Variants in KCTD3 observed in about 807,000 individuals in gnomAD.
KCTD3 encodes potassium channel tetramerization domain containing 3.
In KCTD3, 41 loss-of-function variants were observed where a neutral mutation model predicts 85.8. The observed-to-expected ratio is 0.48, with a 90% CI of 0.37 to 0.62. KCTD3 has a LOEUF of 0.62. KCTD3 is among the 20% of genes least tolerant of loss of function. The pLI is 0.00. For synonymous variants in KCTD3, 338 were observed against 345.4 expected (o/e 0.98, Z 0.24); for missense variants, 724 against 989.9 (o/e 0.73, Z 3.60).
intron 9 of KCTD3, among the ~76,000 whole-genome samples, chr1:215,588,012 CTG>C (rs1471524089): frequency 1.3e-5 from 2 of 152,190 alleles, no homozygotes; most frequent in Non-Finnish European, 2.9e-5. Flanking sequence ...GTCACACTCA[CTG>C]TGGCAGATAA....
Position 215,570,343 on chromosome 1 carries a change from G to A in KCTD3, c.83+2575G>A, listed in dbSNP as rs2675222. Reference sequence around the variant, plus strand: ...CTTTGTGGGTGATTCAGAAAGTAGAGTAGATGAAGTTTCATTTAGAATTGT... The same window carrying A: ...CTTTGTGGGTGATTCAGAAAGTAGAATAGATGAAGTTTCATTTAGAATTGT... On this transcript the variant is annotated intron_variant, in intron 1 of 17. Coordinates refer to ENST00000259154, the MANE Select transcript of KCTD3 (RefSeq NM_016121.5). Among the ~76,000 whole-genome samples the A allele has an allele frequency of 9.2e-3, 1,400 of 152,216 alleles. 32 individuals carry two copies. The highest frequency in any genetic ancestry group is 0.032 in the African/African-American group (1,314 of 41,506).
In KCTD3 at chr1:215,620,136, T is replaced by C; in HGVS notation, c.1966T>C (p.Leu656=). The change falls in exon 18 of 18, where the codon TTA becomes CTA. Residue 656 remains leucine, a synonymous_variant. Transcript: ENST00000259154. ...GAGGCCTTACAGAGAAAGTCCTTTA[T>C]TAGCAAGGGCAAGAAGGACTGAGAG... is the stretch of plus-strand genomic sequence containing the variant. ...SMRPYRESPL[L]ARARRTESFH... 1.2e-6 allele frequency: 2 copies of C among 1,613,718 alleles called. No homozygotes were observed. Among genetic ancestry groups the C allele is most frequent in the South Asian group, 2.2e-5 (2 of 91,044 alleles).
At chr1:215,586,442 C>A (rs566722663) in intron 8 of KCTD3, 53 bp from the exon 9 acceptor site, 1 of 1,423,412 alleles carries the variant, frequency 7.0e-7, no homozygotes, top group Non-Finnish European at 9.6e-7. Flanking sequence ...ATGTGTATTC[C>A]GTTTGCTTCA....
Position 215,620,712 on chromosome 1 carries a change from C to A in KCTD3, c.*94C>A. 1 of 840,108 alleles carries A rather than the reference C, an allele frequency of 1.2e-6. No homozygotes were observed. Among genetic ancestry groups the A allele is most frequent in the Non-Finnish European group, 1.8e-6 (1 of 553,616 alleles). 52.0% of individuals were successfully genotyped at this position (840,108 alleles called of 1,614,324 possible). A position where few individuals can be genotyped will look rare whatever the true frequency, so the allele number is the denominator to read the frequency against. ...CATTAGTTTTTACACTAAAACTTTA[C>A]AAGATAAAATTGGACTTCATTTAGT... On this transcript the variant is annotated 3_prime_UTR_variant, in exon 18 of 18. Coordinates refer to ENST00000259154, the MANE Select transcript of KCTD3 (RefSeq NM_016121.5).
intron 12 of KCTD3, 143 bp from the exon 13 acceptor site, chr1:215,603,989 T>A (rs536247885): frequency 3.6e-6 from 2 of 551,190 alleles, no homozygotes; most frequent in Admixed American, 7.3e-5. Context: ...GTCTTAAGAT[T>A]TTTTTTTTTA....
At chr1:215,612,775 ATC>A (rs1655278720) in intron 15 of KCTD3, among the ~76,000 whole-genome samples, 1 of 152,216 alleles carries the variant, frequency 6.6e-6, no homozygotes, top group Non-Finnish European at 1.5e-5. Context: ...AAAATGAAAT[ATC>A]TCTCATAGTA....
Position 215,578,992 on chromosome 1 carries a change from C to A in KCTD3, c.398-8C>A. On this transcript the variant is annotated splice_polypyrimidine_tract_variant and splice_region_variant and intron_variant, in intron 6 of 17. Transcript: ENST00000259154. ...AGGAATGTATTTGTTTTCTTCTTCT[C>A]TTTATAGGTATTCCTAGTCGTAAAA... 1 of 1,534,144 alleles carries A rather than the reference C, an allele frequency of 6.5e-7. No homozygotes were observed. Among genetic ancestry groups the A allele is most frequent in the Non-Finnish European group, 8.8e-7 (1 of 1,141,730 alleles).
At chr1:215,611,698 T>A (rs1410406361) in intron 14 of KCTD3, 127 bp from the exon 15 acceptor site, 15 of 576,934 alleles carry the variant, frequency 2.6e-5, no homozygotes, top group Non-Finnish European at 4.3e-5. Context: ...GATGTTGAGC[T>A]GAAATGTGAT....
chr1:215,590,100 G>A (rs922645522), intron 9 of KCTD3, among the ~76,000 whole-genome samples: 1 of 152,102 alleles, frequency 6.6e-6, no homozygotes, highest in Non-Finnish European at 1.5e-5. Flanking sequence ...ACTTTGTATT[G>A]TCAGTCTTTT....
intron 14 of KCTD3, among the ~76,000 whole-genome samples, chr1:215,609,475 T>C (rs909319938): frequency 4.6e-5 from 7 of 151,994 alleles, no homozygotes; most frequent in South Asian, 4.1e-4. Context: ...CTAAGAAATT[T>C]AGATTTTATC....
In KCTD3 at chr1:215,579,147, G is replaced by T. The variant is rs779058565; in HGVS notation, c.535+10G>T. On this transcript the variant is annotated intron_variant, in intron 7 of 17. Coordinates refer to ENST00000259154, the MANE Select transcript of KCTD3 (RefSeq NM_016121.5). The stretch of plus-strand genomic sequence containing the variant: ...GAAACTGTTAGGCTAGGTAAGCAAA[G>T]ATTACAGAAATAGAAAAAGAAAAAT... The T allele has an allele frequency of 1.2e-6, 2 of 1,606,322 alleles. No individual in the cohort carries two copies. Among genetic ancestry groups the T allele is most frequent in the Non-Finnish European group, 1.7e-6 (2 of 1,175,806 alleles).
At chr1:215,591,681 TG>T (rs1660230189) in intron 9 of KCTD3, among the ~76,000 whole-genome samples, 1 of 152,154 alleles carries the variant, frequency 6.6e-6, no homozygotes, top group Non-Finnish European at 1.5e-5. Flanking sequence ...TGAGGATTCT[TG>T]CCCTGCCCAG....
chr1:215,573,913 A>G, intron 2 of KCTD3, 74 bp downstream of exon 2: 1 of 1,086,406 alleles, frequency 9.2e-7, no homozygotes, highest in Non-Finnish European at 1.3e-6. Flanking sequence ...TGTCAGTTAA[A>G]TTTTTTTTAA....
chr1:215,593,348 G>A (rs1660291993), intron 9 of KCTD3, among the ~76,000 whole-genome samples: 1 of 152,220 alleles, frequency 6.6e-6, no homozygotes, highest in Admixed American at 6.5e-5. Flanking sequence ...AATTAAAAAT[G>A]TTTATATAGA....
chr1:215,620,313 G>C lies in KCTD3; in HGVS notation c.2143G>C (p.Glu715Gln), dbSNP rs1018873533. The C allele has an allele frequency of 3.1e-6, 5 of 1,613,816 alleles. No individual in the cohort carries two copies. In the African/African-American group the frequency reaches 5.3e-5, roughly 17 times the overall value. ...NISERKSPGVEIKSLRELDSG... is the reference protein window; with the variant it reads ...NISERKSPGVQIKSLRELDSG... Reference sequence around the variant, plus strand: ...ATCTGAGAGAAAGTCTCCTGGAGTAGAAATAAAAAGTTTGAGAGAATTGGA... The same window carrying C: ...ATCTGAGAGAAAGTCTCCTGGAGTACAAATAAAAAGTTTGAGAGAATTGGA... The change falls in exon 18 of 18, where the codon GAA (glutamate) becomes CAA (glutamine). Residue 715 changes from glutamate to glutamine, a missense_variant. Around this residue, in one of 6 missense-constraint regions of KCTD3, gnomAD observed 222 missense variants for 217.7 expected, o/e 1.02. Transcript: ENST00000259154.
At chr1:215,598,900 A>G (rs999574137) in intron 10 of KCTD3, among the ~76,000 whole-genome samples, 1 of 152,228 alleles carries the variant, frequency 6.6e-6, no homozygotes, top group African/African-American at 2.4e-5. Context: ...AACAACTGCT[A>G]ACATTTTGGA....
chr1:215,580,073 A>G (rs551522567), intron 8 of KCTD3, 74 bp downstream of exon 8: 32 of 993,324 alleles, frequency 3.2e-5, no homozygotes, highest in Non-Finnish European at 5.0e-5. Context: ...ATATTTTTAG[A>G]TTGAAAAGCT....
At chr1:215,584,518 G>T (rs1372504543) in intron 8 of KCTD3, among the ~76,000 whole-genome samples, 3 of 152,146 alleles carry the variant, frequency 2.0e-5, no homozygotes, top group African/African-American at 4.8e-5. Context: ...GCAAATACCT[G>T]TATGAGTTGG....
At chr1:215,613,426 A>G (rs961831244) in intron 15 of KCTD3, among the ~76,000 whole-genome samples, 5 of 152,012 alleles carry the variant, frequency 3.3e-5, no homozygotes, top group African/African-American at 1.2e-4. Context: ...TAGTTTGCAG[A>G]TATTTTCTCC....
Sources: gnomAD v4.1 joint callset for allele counts (sites outside exome capture counted in the v4.1 genomes callset) on GRCh38, gnomAD v4.1.1 for gene constraint, gnomAD v4.1.1 regional missense constraint, MANE v1.5 for transcripts, NCBI Gene and HGNC (gene_info 2026-07-23, HGNC 2026-07-21) for gene names.